The following GALNT18 variants were observed in gnomAD, a reference collection of about 807,000 sequenced individuals.
GALNT18 encodes the protein polypeptide N-acetylgalactosaminyltransferase 18.
GALNT18 carries 44 observed loss-of-function variants against 69.5 expected under a neutral mutation model. The observed-to-expected ratio is 0.63, with a 90% confidence interval of 0.50 to 0.81. GALNT18 has a LOEUF of 0.81. Among genes scored for constraint, GALNT18 ranks in the 40% least tolerant of loss-of-function variants. The pLI, the probability that GALNT18 is intolerant of heterozygous loss-of-function variation, is 0.00. For synonymous variants in GALNT18, 364 were observed against 318.2 expected (o/e 1.14, Z -1.53); for missense variants, 715 against 810.0 (o/e 0.88, Z 1.42).
chr11:11,323,648 T>C (rs1849872743), intron 9 of GALNT18, among the ~76,000 whole-genome samples: 2 of 152,196 alleles, frequency 1.3e-5, no homozygotes, highest in Non-Finnish European at 2.9e-5. Context: ...TCATTCTTCC[T>C]TTTCTTGAGG....
chr11:11,559,021 A>G (rs935018747), intron 1 of GALNT18, among the ~76,000 whole-genome samples: 3 of 152,222 alleles, frequency 2.0e-5, no homozygotes, highest in African/African-American at 7.2e-5. Flanking sequence ...GTGTTTCACC[A>G]TGCCTCTGCT....
chr11:11,506,921 A>G (rs1857078981), intron 1 of GALNT18, among the ~76,000 whole-genome samples: 1 of 152,186 alleles, frequency 6.6e-6, no homozygotes. Flanking sequence ...TCACTTCTTC[A>G]TCTTCCACAG....
At position 11,470,099 on chromosome 11, in the gene GALNT18, T is replaced by C. The variant is rs1384948720; in HGVS notation, c.236-21163A>G. On this transcript the variant is annotated intron_variant, in intron 1 of 10. Coordinates refer to ENST00000227756, the MANE Select transcript of GALNT18 (RefSeq NM_198516.3). The surrounding 1 kb of genome is among the most constrained non-coding windows in gnomAD (Gnocchi z 4.8). ...TACTTTTGCCAATTGACAGGGACAC[T>C]TGGATGAGGATGGTTTTGAAGCTGT... Among the ~76,000 whole-genome samples, 1 of 152,216 alleles carries C rather than the reference T, an allele frequency of 6.6e-6. No homozygotes were observed. Among genetic ancestry groups the C allele is most frequent in the Admixed American group, 6.5e-5 (1 of 15,282 alleles).
chr11:11,557,396 G>A (rs567062080), intron 1 of GALNT18, among the ~76,000 whole-genome samples: 2 of 152,250 alleles, frequency 1.3e-5, no homozygotes, highest in South Asian at 4.2e-4. Flanking sequence ...TGACCTTGGG[G>A]AAATTACTCA....
At chr11:11,286,375 A>T (rs1377645004) in intron 10 of GALNT18, among the ~76,000 whole-genome samples, 1 of 152,082 alleles carries the variant, frequency 6.6e-6, no homozygotes, top group African/African-American at 2.4e-5. Flanking sequence ...GTGTCTGTGT[A>T]CCACAGGTGG....
At chr11:11,448,639 G>A in intron 2 of GALNT18, 105 bp downstream of exon 2, 1 of 873,608 alleles carries the variant, frequency 1.1e-6, no homozygotes, top group South Asian at 2.1e-5. Flanking sequence ...AGCAGGAAAG[G>A]GACCCAAGAA....
chr11:11,591,831 G>C lies in GALNT18; in HGVS notation c.235+29528C>G, dbSNP rs1307906568. On this transcript the variant is annotated intron_variant, in intron 1 of 10. Coordinates refer to ENST00000227756, the MANE Select transcript of GALNT18 (RefSeq NM_198516.3). The surrounding 1 kb of genome is among the most constrained non-coding windows in gnomAD (Gnocchi z 4.8). ...TGAGAACACACCTATAATCTTGAAA[G>C]CCAATACCCAGCTGTGATTAGATGT... Among the ~76,000 whole-genome samples the C allele has an allele frequency of 1.3e-5, 2 of 152,128 alleles. No individual in the cohort carries two copies. Among genetic ancestry groups the C allele is most frequent in the African/African-American group, 4.8e-5 (2 of 41,422 alleles).
chr11:11,367,303 A>G (rs1850794949), intron 6 of GALNT18, among the ~76,000 whole-genome samples: 1 of 152,226 alleles, frequency 6.6e-6, no homozygotes, highest in Non-Finnish European at 1.5e-5. Flanking sequence ...TGTAAGTGTC[A>G]TTATAACAGT....
At chr11:11,384,416 T>C (rs961778291) in intron 3 of GALNT18, among the ~76,000 whole-genome samples, 26 of 152,240 alleles carry the variant, frequency 1.7e-4, no homozygotes, top group African/African-American at 5.8e-4. Flanking sequence ...TGCTATGTCC[T>C]CAAGTGGCAG....
intron 1 of GALNT18, among the ~76,000 whole-genome samples, chr11:11,521,771 C>T (rs2133929106): frequency 6.6e-6 from 1 of 152,254 alleles, no homozygotes; most frequent in East Asian, 1.9e-4. Context: ...CTCAGGCGAG[C>T]CCACTCAGAA....
In GALNT18 at chr11:11,613,880, T is replaced by C. The variant is rs747786235; in HGVS notation, c.235+7479A>G. On this transcript the variant is annotated intron_variant, in intron 1 of 10. Coordinates refer to ENST00000227756, the MANE Select transcript of GALNT18 (RefSeq NM_198516.3). This position sits in a 1 kb window ranked among gnomAD's most constrained non-coding sequence, Gnocchi z 4.2. The stretch of plus-strand genomic sequence containing the variant: ...CCCTTCCGCTTCATGCATAATTCCA[T>C]CTCTCCCCAAAGCCCACCATGCTGC... Among the ~76,000 whole-genome samples the C allele has an allele frequency of 1.6e-4, 24 of 152,146 alleles. No homozygotes were observed. The highest frequency in any genetic ancestry group is 2.2e-4 in the Non-Finnish European group (15 of 68,030).
At position 11,320,881 on chromosome 11, in the gene GALNT18, G is replaced by A. The variant is rs1302635334; in HGVS notation, c.1512+6205C>T. On this transcript the variant is annotated intron_variant, in intron 9 of 10. Coordinates refer to ENST00000227756, the MANE Select transcript of GALNT18 (RefSeq NM_198516.3). The surrounding 1 kb of genome is among the most constrained non-coding windows in gnomAD (Gnocchi z 4.9). ...TTCCTGGGAAATGTGTGTAATCTGA[G>A]GCTGGTCCCAAACCTCCCTACACAG... is the stretch of plus-strand genomic sequence containing the variant. 6.6e-6 allele frequency among the ~76,000 whole-genome samples: 1 copy of A among 152,034 alleles called. No individual in the cohort carries two copies.
At position 11,592,090 on chromosome 11, in the gene GALNT18, G is replaced by A. The variant is rs1859372798; in HGVS notation, c.235+29269C>T. On this transcript the variant is annotated intron_variant, in intron 1 of 10. Coordinates refer to ENST00000227756, the MANE Select transcript of GALNT18 (RefSeq NM_198516.3). This position sits in a 1 kb window ranked among gnomAD's most constrained non-coding sequence, Gnocchi z 5.9. Reference sequence around the variant, plus strand: ...TAGCATTTAGCATGGTACCTGGCATGTAATAAAACTCAATAAATGCTAGCT... The same window carrying A: ...TAGCATTTAGCATGGTACCTGGCATATAATAAAACTCAATAAATGCTAGCT... 6.6e-6 allele frequency among the ~76,000 whole-genome samples: 1 copy of A among 152,180 alleles called. No homozygotes were observed. Among genetic ancestry groups the A allele is most frequent in the Non-Finnish European group, 1.5e-5 (1 of 68,030 alleles).
At chr11:11,316,624 G>C (rs561781622) in intron 9 of GALNT18, among the ~76,000 whole-genome samples, 99 of 152,292 alleles carry the variant, frequency 6.5e-4, no homozygotes, top group African/African-American at 2.4e-3. Flanking sequence ...AATTAAAGTC[G>C]CTTTCATCTT....
intron 8 of GALNT18, among the ~76,000 whole-genome samples, chr11:11,328,996 C>A (rs1398324071): frequency 1.3e-5 from 2 of 152,090 alleles, no homozygotes; most frequent in Non-Finnish European, 2.9e-5. Flanking sequence ...CCCCACCCCC[C>A]ACCATCCCTT....
chr11:11,330,380 G>T (rs975930227), intron 8 of GALNT18, among the ~76,000 whole-genome samples: 13 of 152,200 alleles, frequency 8.5e-5, no homozygotes, highest in Non-Finnish European at 5.9e-5. Context: ...TCTTGCTATT[G>T]TGGCTGCATC....
chr11:11,547,795 C>T (rs1858095713), intron 1 of GALNT18, among the ~76,000 whole-genome samples: 1 of 152,202 alleles, frequency 6.6e-6, no homozygotes, highest in South Asian at 2.1e-4. Context: ...AAAATTCATT[C>T]CATGCTTCCT....
rs753266533 is a variant in GALNT18 at position 11,372,544 on chromosome 11, C to T, written c.1063G>A (p.Gly355Arg). 9 of 1,614,098 alleles carry T rather than the reference C, an allele frequency of 5.6e-6. No homozygotes were observed. The highest frequency in any genetic ancestry group is 1.7e-5 in the Admixed American group (1 of 60,014). ...ATCCCAAGCTCCACATTCTCGCCCC[C>T]GTAGACTTCCATGCCTTCGTCCAGC... is the stretch of plus-strand genomic sequence containing the variant. ...GLLDEGMEVYGGENVELGIRV... is the reference protein window; with the variant it reads ...GLLDEGMEVYRGENVELGIRV... The change falls in exon 6 of 11, where the codon GGG becomes AGG. Residue 355 changes from glycine to arginine, a missense_variant. Transcript: ENST00000227756. The surrounding 1 kb of genome is among the most constrained non-coding windows in gnomAD (Gnocchi z 4.9).
intron 6 of GALNT18, among the ~76,000 whole-genome samples, chr11:11,363,751 T>C (rs537804216): frequency 6.6e-6 from 1 of 152,310 alleles, no homozygotes; most frequent in Admixed American, 6.5e-5. Flanking sequence ...GCAATGAGCA[T>C]GCCCAGTGCC....
Sources: gnomAD v4.1 joint callset for allele counts (sites outside exome capture counted in the v4.1 genomes callset) on GRCh38, gnomAD v4.1.1 for gene constraint, Gnocchi (gnomAD v3.1) non-coding constraint, MANE v1.5 for transcripts, NCBI Gene and HGNC (gene_info 2026-07-23, HGNC 2026-07-21) for gene names.